CSMD3: variants seen among roughly 807,000 people sequenced by gnomAD.
The protein encoded by CSMD3 is CUB and Sushi multiple domains 3.
In CSMD3, 177 loss-of-function variants were observed where a neutral mutation model predicts 435.2. That is an observed-to-expected ratio of 0.41 (90% CI 0.36 to 0.46). CSMD3 has a LOEUF of 0.46. Ranked by LOEUF, CSMD3 falls within the 20% of genes least tolerant of loss-of-function variation. CSMD3 has a pLI of 0.34. For missense variants in CSMD3, 4,265 were observed against 4,504.6 expected (o/e 0.95, Z 1.52); for synonymous variants, 1,656 against 1,520.5 (o/e 1.09, Z -2.07).
chr8:113,246,242 T>A (rs2132271328), intron 3 of CSMD3, among the ~76,000 whole-genome samples: 1 of 152,148 alleles, frequency 6.6e-6, no homozygotes, highest in East Asian at 1.9e-4. Context: ...GTACCACAAG[T>A]CTCTGAGGTT....
Position 112,264,924 on chromosome 8 carries a change from C to T in CSMD3, c.9688+487G>A, listed in dbSNP as rs1247665644. On this transcript the variant is annotated intron_variant, in intron 60 of 70. Transcript: ENST00000297405. ...GCAAATTTATGGCTGTATTGACTAACAGGTTAATTCTAGATTGTATTATAT... is the reference window on the plus strand; with the variant it reads ...GCAAATTTATGGCTGTATTGACTAATAGGTTAATTCTAGATTGTATTATAT... Among the ~76,000 whole-genome samples the T allele has an allele frequency of 2.6e-5, 4 of 151,914 alleles. No homozygotes were observed. The East Asian group carries it at 7.7e-4, about 29-fold the overall frequency.
chr8:113,361,943 G>C (rs1464984568), intron 1 of CSMD3, among the ~76,000 whole-genome samples: 1 of 151,986 alleles, frequency 6.6e-6, no homozygotes, highest in Non-Finnish European at 1.5e-5. Context: ...GTCTATTAAG[G>C]ATTAGTCCAA....
Position 112,974,469 on chromosome 8 carries a change from GAA to G in CSMD3, c.1342+1366_1342+1367del, listed in dbSNP as rs774281824. Among the ~76,000 whole-genome samples, 46 of 151,718 alleles carry G rather than the reference GAA, an allele frequency of 3.0e-4. No homozygotes were observed. In the East Asian group the frequency reaches 8.1e-3, roughly 27 times the overall value. The stretch of plus-strand genomic sequence containing the variant: ...GCTCATGCAATTTTCCAAAGAGAAT[GAA>G]AAAATAGTTTTTAACATTTTAATAT... On this transcript the variant is annotated intron_variant, in intron 7 of 70. Coordinates refer to ENST00000297405, the MANE Select transcript of CSMD3 (RefSeq NM_198123.2).
chr8:112,734,289 G>C (rs563995482), intron 13 of CSMD3, among the ~76,000 whole-genome samples: 4 of 151,712 alleles, frequency 2.6e-5, no homozygotes, highest in South Asian at 2.1e-4. Context: ...GAGAGAGAGA[G>C]AAAAGAGGGA....
At chr8:113,012,606 T>C (rs1017067276) in intron 6 of CSMD3, among the ~76,000 whole-genome samples, 2 of 152,018 alleles carry the variant, frequency 1.3e-5, no homozygotes, top group Non-Finnish European at 2.9e-5. Context: ...CACTCACACA[T>C]GCTCTTTCAT....
chr8:112,919,415 T>A (rs751670272), intron 10 of CSMD3, among the ~76,000 whole-genome samples: 24 of 151,914 alleles, frequency 1.6e-4, no homozygotes, highest in Non-Finnish European at 3.1e-4. Flanking sequence ...ATCATAAGTA[T>A]GATTCATCTT....
At chr8:112,612,886 T>C (rs1385037878) in intron 22 of CSMD3, among the ~76,000 whole-genome samples, 1 of 138,936 alleles carries the variant, frequency 7.2e-6, no homozygotes, top group African/African-American at 2.8e-5. Flanking sequence ...CCACCATACG[T>C]GGCTAATTAT....
At chr8:112,897,686 C>CTGTGTGTG (rs1363499348) in intron 10 of CSMD3, among the ~76,000 whole-genome samples, 2 of 89,006 alleles carry the variant, frequency 2.2e-5, no homozygotes, top group African/African-American at 8.2e-5. Context: ...CTCTCTCTCT[C>CTGTGTGTG]TCTCTCTCTG....
chr8:112,959,458 A>G (rs1162049577), intron 7 of CSMD3, among the ~76,000 whole-genome samples: 1 of 151,962 alleles, frequency 6.6e-6, no homozygotes. Context: ...ATTCAATCAT[A>G]TCATAATTCT....
intron 3 of CSMD3, among the ~76,000 whole-genome samples, chr8:113,263,152 C>T (rs568573362): frequency 4.6e-5 from 7 of 151,904 alleles, no homozygotes; most frequent in Admixed American, 2.6e-4. Context: ...CCAGAGATCT[C>T]TTTGTAACAC....
intron 16 of CSMD3, among the ~76,000 whole-genome samples, chr8:112,677,570 T>G (rs2075796019): frequency 6.7e-6 from 1 of 149,630 alleles, no homozygotes; most frequent in African/African-American, 2.5e-5. Context: ...TACTGTCTCA[T>G]GGTAAAAATA....
chr8:113,082,690 C>G (rs1182620827), intron 5 of CSMD3, among the ~76,000 whole-genome samples: 1 of 152,010 alleles, frequency 6.6e-6, no homozygotes, highest in Admixed American at 6.6e-5. Context: ...CAAGAAAACA[C>G]AGACAATTTT....
chr8:112,590,100 T>C (rs1334491125), intron 22 of CSMD3, among the ~76,000 whole-genome samples: 1 of 152,124 alleles, frequency 6.6e-6, no homozygotes, highest in Non-Finnish European at 1.5e-5. Context: ...TAGAGGCAAA[T>C]GATAGAATGC....
At chr8:112,845,833 T>C (rs1587461450) in intron 11 of CSMD3, among the ~76,000 whole-genome samples, 3 of 151,956 alleles carry the variant, frequency 2.0e-5, no homozygotes, top group Non-Finnish European at 2.9e-5. Context: ...AATGAAGTCA[T>C]TGGACTTTGT....
chr8:113,422,613 A>G (rs755182236), intron 1 of CSMD3, among the ~76,000 whole-genome samples: 1 of 152,106 alleles, frequency 6.6e-6, no homozygotes, highest in Non-Finnish European at 1.5e-5. Flanking sequence ...TAAGGTAGTG[A>G]TGGGGTAGAA....
At chr8:113,275,927 A>G (rs1432489015) in intron 3 of CSMD3, among the ~76,000 whole-genome samples, 2 of 152,074 alleles carry the variant, frequency 1.3e-5, no homozygotes, top group Non-Finnish European at 2.9e-5. Flanking sequence ...TATCATACAC[A>G]GGGCAAGAGT....
At chr8:112,863,358 G>A (rs1328447006) in intron 10 of CSMD3, among the ~76,000 whole-genome samples, 1 of 151,448 alleles carries the variant, frequency 6.6e-6, no homozygotes, top group Non-Finnish European at 1.5e-5. Flanking sequence ...GGTTTCATAT[G>A]GGGCAAGGTA....
intron 11 of CSMD3, among the ~76,000 whole-genome samples, chr8:112,830,954 T>A (rs1003541937): frequency 6.6e-6 from 1 of 151,592 alleles, no homozygotes; most frequent in Non-Finnish European, 1.5e-5. Context: ...GCCTGGCTAA[T>A]TTTTTTGTAT....
intron 32 of CSMD3, among the ~76,000 whole-genome samples, chr8:112,459,795 A>T (rs776911858): frequency 5.9e-5 from 9 of 152,156 alleles, no homozygotes; most frequent in Non-Finnish European, 1.0e-4. Context: ...ACCAGTTTCA[A>T]GCATATTAGT....
Sources: allele counts gnomAD v4.1 joint callset (sites outside exome capture counted in the v4.1 genomes callset), GRCh38; gene constraint gnomAD v4.1.1; transcripts MANE v1.5; gene names NCBI Gene and HGNC (gene_info 2026-07-23, HGNC 2026-07-21).